RNF185: variants seen among roughly 807,000 people sequenced by gnomAD.
RNF185 encodes the protein E3 ubiquitin-protein ligase RNF185.
RNF185 carries 13 observed loss-of-function variants against 24.9 expected under a neutral mutation model. That is an observed-to-expected ratio of 0.52 (90% CI 0.34 to 0.83). RNF185 has a LOEUF of 0.83. Ranked by LOEUF, RNF185 falls within the 40% of genes least tolerant of loss-of-function variation. The pLI, the probability that RNF185 is intolerant of heterozygous loss-of-function variation, is 0.01. For synonymous variants in RNF185, 79 were observed against 90.3 expected, an observed-to-expected ratio of 0.88 and a Z score of 0.71; for missense variants, 184 against 244.7, an observed-to-expected ratio of 0.75 and a Z score of 1.65.
At chr22:31,177,039 A>G (rs925697248) in intron 1 of RNF185, among the ~76,000 whole-genome samples, 4 of 152,088 alleles carry the variant, frequency 2.6e-5, no homozygotes, top group African/African-American at 7.2e-5. Context: ...GCTGAAGGGC[A>G]CTGAGAGTCA....
At chr22:31,173,931 GT>G in intron 1 of RNF185, among the ~76,000 whole-genome samples, 4 of 152,338 alleles carry the variant, frequency 2.6e-5, no homozygotes, top group Admixed American at 2.6e-4. Flanking sequence ...AGAAAGGAAA[GT>G]TGTGACTCAT....
intron 1 of RNF185, among the ~76,000 whole-genome samples, chr22:31,184,283 G>A (rs569629703): frequency 2.6e-5 from 4 of 151,936 alleles, no homozygotes; most frequent in East Asian, 1.9e-4. Context: ...AGACGGGGTC[G>A]CGGCCTGGCA....
rs374489160 is a variant in RNF185, at chr22:31,189,590, C to T, written c.176+2320C>T. 4.2e-4 allele frequency among the ~76,000 whole-genome samples: 63 copies of T among 151,648 alleles called. No homozygotes were observed. The South Asian group carries it at 0.013, about 31-fold the overall frequency. On this transcript the variant is annotated intron_variant, in intron 2 of 6. Transcript: ENST00000326132. ...AGGATTACAGGCGTGAGCCACCATG[C>T]CTGGCCCTGTGTCAAATTTTTTTTT...
chr22:31,168,925 T>C (rs1461756751), intron 1 of RNF185, among the ~76,000 whole-genome samples: 2 of 152,164 alleles, frequency 1.3e-5, no homozygotes, highest in Admixed American at 1.3e-4. Context: ...AAATTTTTTT[T>C]GAGACAGAGT....
In RNF185 at chr22:31,206,335, G is replaced by A. The variant is rs1455325722; in HGVS notation, c.*1749G>A. 1.3e-5 allele frequency: 2 copies of A among 152,588 alleles called. No individual in the cohort carries two copies. The highest frequency in any genetic ancestry group is 3.8e-4 in the East Asian group (2 of 5,198). 9.5% of individuals were successfully genotyped at this position (152,588 alleles called of 1,614,324 possible). Reference sequence around the variant, plus strand: ...GAAGAAACCACCAGCTTTATAGTGTGCCTGATAGATTTTAAACATTCCTGG... The same window carrying A: ...GAAGAAACCACCAGCTTTATAGTGTACCTGATAGATTTTAAACATTCCTGG... On this transcript the variant is annotated 3_prime_UTR_variant, in exon 7 of 7. Coordinates refer to ENST00000326132, the MANE Select transcript of RNF185 (RefSeq NM_152267.4).
At chr22:31,182,304 T>C (rs996834063) in intron 1 of RNF185, among the ~76,000 whole-genome samples, 1 of 151,712 alleles carries the variant, frequency 6.6e-6, no homozygotes, top group African/African-American at 2.4e-5. Context: ...TATTTATTTT[T>C]TTTGAGACAG....
chr22:31,196,996 G>A lies in RNF185; in HGVS notation c.363+6G>A, dbSNP rs1156422473. The A allele has an allele frequency of 3.5e-5, 57 of 1,613,460 alleles. No individual in the cohort carries two copies. The highest frequency in any genetic ancestry group is 4.7e-5 in the Non-Finnish European group (55 of 1,179,644). ...CAGAGCCGGAGAATAGAGGGGTGAGGAACATTCTAGGAGAAGCTTCTACAA... is the reference window on the plus strand; with the variant it reads ...CAGAGCCGGAGAATAGAGGGGTGAGAAACATTCTAGGAGAAGCTTCTACAA... On this transcript the variant is annotated splice_donor_region_variant and intron_variant, in intron 5 of 6. Transcript: ENST00000326132.
At chr22:31,168,774 A>G (rs891984993) in intron 1 of RNF185, among the ~76,000 whole-genome samples, 1 of 152,002 alleles carries the variant, frequency 6.6e-6, no homozygotes, top group Non-Finnish European at 1.5e-5. Context: ...ATGGTATCTC[A>G]TTGTGCTTTT....
Position 31,187,138 on chromosome 22 carries a change from C to G in RNF185, c.44C>G (p.Ser15Cys). Reference sequence around the variant, plus strand: ...TCGGCCTCTGCATCTCCTGAGAACTCCAGTGCAGGGGGGCCCAGTGGGAGC... The same window carrying G: ...TCGGCCTCTGCATCTCCTGAGAACTGCAGTGCAGGGGGGCCCAGTGGGAGC... ...GPSASASPEN[S>C]SAGGPSGSSN... Residue 15 changes from serine to cysteine, a missense_variant, in exon 2 of 7, where the codon TCC becomes TGC. Coordinates refer to ENST00000326132, the MANE Select transcript of RNF185 (RefSeq NM_152267.4). The G allele has an allele frequency of 6.2e-7, 1 of 1,613,236 alleles. No individual in the cohort carries two copies. The highest frequency in any genetic ancestry group is 1.1e-5 in the South Asian group (1 of 91,028).
rs2048301720 is a variant in RNF185, at chr22:31,205,050, TC to T, written c.*468del. On this transcript the variant is annotated 3_prime_UTR_variant, in exon 7 of 7. Coordinates refer to ENST00000326132, the MANE Select transcript of RNF185 (RefSeq NM_152267.4). Reference sequence around the variant, plus strand: ...GTGGGGGCTCCTCAGATAGAGAGGTTCCCCTTTCAAATCCCAGTGCCGCTCT... The same window carrying T: ...GTGGGGGCTCCTCAGATAGAGAGGTTCCCTTTCAAATCCCAGTGCCGCTCT... 5.5e-6 allele frequency: 1 copy of T among 183,010 alleles called. No homozygotes were observed. The highest frequency in any genetic ancestry group is 5.7e-5 in the Admixed American group (1 of 17,668). 11.3% of individuals were successfully genotyped at this position (183,010 alleles called of 1,614,324 possible).
rs1305557961 is a variant in RNF185, at chr22:31,197,169, A to C, written c.363+179A>C. The C allele has an allele frequency of 7.6e-6, 6 of 793,246 alleles. No homozygotes were observed. In the Admixed American group the frequency reaches 1.6e-4, roughly 22 times the overall value. 49.1% of individuals were successfully genotyped at this position (793,246 alleles called of 1,614,324 possible). ...ACACCAATCCAGAGGTAACCACTGGAAACATTTTGGTTCTATTTTCTTTTC... is the reference window on the plus strand; with the variant it reads ...ACACCAATCCAGAGGTAACCACTGGCAACATTTTGGTTCTATTTTCTTTTC... On this transcript the variant is annotated intron_variant, in intron 5 of 6. Coordinates refer to ENST00000326132, the MANE Select transcript of RNF185 (RefSeq NM_152267.4).
intron 5 of RNF185, 194 bp downstream of exon 5, chr22:31,197,184 A>G: frequency 4.5e-6 from 3 of 661,334 alleles, no homozygotes; most frequent in Non-Finnish European, 7.1e-6. Flanking sequence ...TTTTGGTTCT[A>G]TTTTCTTTTC....
chr22:31,191,262 C>T (rs1039092664), intron 2 of RNF185, among the ~76,000 whole-genome samples: 3 of 152,010 alleles, frequency 2.0e-5, no homozygotes, highest in African/African-American at 7.3e-5. Flanking sequence ...TGGAGATCTG[C>T]CATGATTTGG....
At chr22:31,163,656 T>TTTTATTTTATTTA (rs1555880081) in intron 1 of RNF185, among the ~76,000 whole-genome samples, 75 of 141,092 alleles carry the variant, frequency 5.3e-4, no homozygotes, top group Middle Eastern at 3.6e-3. Context: ...TTTTATTTTA[T>TTTTATTTTATTTA]TTTATTTATT....
rs994939207 is a variant in RNF185 at position 31,204,954 on chromosome 22, G to A, written c.*368G>A. The A allele has an allele frequency of 1.5e-5, 3 of 206,534 alleles. No homozygotes were observed. Among genetic ancestry groups the A allele is most frequent in the African/African-American group, 6.8e-5 (3 of 43,836 alleles). The allele number at this position is 206,534 out of a possible 1,614,324, so 12.8% of individuals were successfully genotyped here. ...GAGTTTAATATTACAGAAACAAAGG[G>A]ATGCACCAAATGGTATTTCTGGAAA... On this transcript the variant is annotated 3_prime_UTR_variant, in exon 7 of 7. Transcript: ENST00000326132.
intron 1 of RNF185, among the ~76,000 whole-genome samples, chr22:31,164,261 G>A (rs1162055535): frequency 1.3e-5 from 2 of 152,028 alleles, no homozygotes; most frequent in South Asian, 2.1e-4. Context: ...GATTACAGCC[G>A]TGAGCCACTG....
At chr22:31,168,866 AT>A (rs1924101047) in intron 1 of RNF185, among the ~76,000 whole-genome samples, 1 of 152,110 alleles carries the variant, frequency 6.6e-6, no homozygotes, top group African/African-American at 2.4e-5. Flanking sequence ...CTTTGAAGAA[AT>A]GTCTCTATTC....
At chr22:31,192,601 T>C in intron 2 of RNF185, 83 bp from the exon 3 acceptor site, 5 of 1,173,748 alleles carry the variant, frequency 4.3e-6, no homozygotes, top group Non-Finnish European at 6.4e-6. Flanking sequence ...ACCCATCAAG[T>C]GTTTCTGCTA....
At chr22:31,201,655 A>C in intron 6 of RNF185, 40 bp downstream of exon 6, 1 of 1,405,308 alleles carries the variant, frequency 7.1e-7, no homozygotes, top group Non-Finnish European at 1.0e-6. Context: ...AAGATATCTT[A>C]GTAATATTGC....
Sources: gnomAD v4.1 joint callset for allele counts (sites outside exome capture counted in the v4.1 genomes callset) on GRCh38, gnomAD v4.1.1 for gene constraint, MANE v1.5 for transcripts, NCBI Gene and HGNC (gene_info 2026-07-23, HGNC 2026-07-21) for gene names.